The following TBC1D31 variants were observed in gnomAD, a reference collection of about 807,000 sequenced individuals.
TBC1D31 encodes the protein WD repeat domain 67.
Under a neutral mutation model 132.9 loss-of-function variants are expected in TBC1D31, and 99 were observed. That is an observed-to-expected ratio of 0.74 (90% confidence interval 0.63 to 0.88). TBC1D31 has a LOEUF of 0.88. TBC1D31 is among the 40% of genes least tolerant of loss of function. The pLI, the probability that TBC1D31 is intolerant of heterozygous loss-of-function variation, is 0.00. For missense variants in TBC1D31, 1,134 were observed against 1,256.6 expected (o/e 0.90, Z 1.48); for synonymous variants, 385 against 419.4 (o/e 0.92, Z 1.00).
At position 123,080,506 on chromosome 8, in the gene TBC1D31, C is replaced by G. The variant is rs1815014926; in HGVS notation, c.225-2196C>G. ...TAAACTTTTAGACAAGAGCAGAGAG[C>G]TTTTCTTTTCTTTTCTTTTATTCTT... On this transcript the variant is annotated intron_variant, in intron 2 of 21. Coordinates refer to ENST00000287380, the MANE Select transcript of TBC1D31 (RefSeq NM_145647.4). 1.9e-4 allele frequency among the ~76,000 whole-genome samples: 13 copies of G among 69,344 alleles called. No homozygotes were observed. In the South Asian group the frequency reaches 5.2e-3, roughly 28 times the overall value. The allele number at this position is 69,344 out of a possible 152,430, so 45.5% of individuals were successfully genotyped here. A position where few individuals can be genotyped will look rare whatever the true frequency, so the allele number is the denominator to read the frequency against.
intron 1 of TBC1D31, among the ~76,000 whole-genome samples, chr8:123,074,277 C>T (rs377326086): frequency 2.8e-4 from 43 of 152,198 alleles, no homozygotes; most frequent in East Asian, 1.2e-3. Flanking sequence ...ACCTTGGCCT[C>T]CCGAAGTACT....
At chr8:123,115,243 C>G (rs193206858) in intron 10 of TBC1D31, among the ~76,000 whole-genome samples, 41 of 152,294 alleles carry the variant, frequency 2.7e-4, no homozygotes, top group African/African-American at 9.6e-4. Flanking sequence ...GAGAGTCAGT[C>G]AAAAGATGGC....
chr8:123,145,710 T>A (rs902973251), intron 20 of TBC1D31, among the ~76,000 whole-genome samples: 13 of 137,742 alleles, frequency 9.4e-5, no homozygotes, highest in Non-Finnish European at 1.4e-4. Context: ...AAAAAAAAGA[T>A]TTCCAAAAAT....
At chr8:123,148,071 A>G (rs901465961) in intron 20 of TBC1D31, among the ~76,000 whole-genome samples, 4 of 151,938 alleles carry the variant, frequency 2.6e-5, no homozygotes, top group Admixed American at 6.6e-5. Flanking sequence ...AGGTTGCAGT[A>G]AGCCAAGATC....
At chr8:123,152,257 C>A, downstream of TBC1D31, 1 of 178,190 alleles carries the variant, frequency 5.6e-6, no homozygotes, top group Non-Finnish European at 1.2e-5. Flanking sequence ...AACAGGAAAC[C>A]ATCTCAACAG....
intron 2 of TBC1D31, among the ~76,000 whole-genome samples, chr8:123,080,777 C>T (rs766604433): frequency 2.0e-5 from 3 of 152,048 alleles, no homozygotes; most frequent in South Asian, 2.1e-4. Context: ...CCTCGTGATC[C>T]GCCCGCCTAG....
At chr8:123,104,667 G>T (rs1372292812) in intron 7 of TBC1D31, among the ~76,000 whole-genome samples, 1 of 152,172 alleles carries the variant, frequency 6.6e-6, no homozygotes, top group Non-Finnish European at 1.5e-5. Flanking sequence ...TAAGTAAATT[G>T]AAGTTGTTCA....
At chr8:123,145,884 T>C (rs1822151790) in intron 20 of TBC1D31, among the ~76,000 whole-genome samples, 1 of 151,042 alleles carries the variant, frequency 6.6e-6, no homozygotes, top group Non-Finnish European at 1.5e-5. Flanking sequence ...TTTTTTTTTT[T>C]TTTGAGACAG....
intron 17 of TBC1D31, among the ~76,000 whole-genome samples, chr8:123,139,940 G>C (rs1821463859): frequency 1.3e-5 from 2 of 152,168 alleles, no homozygotes; most frequent in African/African-American, 4.8e-5. Context: ...CCTTAGGAGT[G>C]GTCTTTCAGG....
intron 7 of TBC1D31, among the ~76,000 whole-genome samples, chr8:123,101,905 T>C (rs573531232): frequency 8.5e-5 from 13 of 152,318 alleles, no homozygotes; most frequent in African/African-American, 3.1e-4. Context: ...ATTTCTTAAC[T>C]AGTGCTACTT....
intron 2 of TBC1D31, among the ~76,000 whole-genome samples, chr8:123,081,576 A>C (rs1427024726): frequency 6.6e-6 from 1 of 152,264 alleles, no homozygotes; most frequent in Admixed American, 6.5e-5. Flanking sequence ...TTTTAGACAC[A>C]TATTGAGTTC....
rs758518137 is a variant in TBC1D31, at chr8:123,120,206, AAAGTAT to A, written c.1570+22_1570+27del. The A allele has an allele frequency of 1.2e-5, 19 of 1,574,206 alleles. No homozygotes were observed. The highest frequency in any genetic ancestry group is 1.7e-4 in the Middle Eastern group (1 of 5,896). Reference sequence around the variant, plus strand: ...TCTCATAAGTAAGTAAATACTTGTTAAAGTATAAGATCAAGAATGGATTCTTATACA... The same window carrying A: ...TCTCATAAGTAAGTAAATACTTGTTAAAGATCAAGAATGGATTCTTATACA... On this transcript the variant is annotated intron_variant, in intron 11 of 21. Coordinates refer to ENST00000287380, the MANE Select transcript of TBC1D31 (RefSeq NM_145647.4).
rs777915972 is a variant in TBC1D31, at chr8:123,077,248, A to G, written c.215A>G (p.His72Arg). Residue 72 changes from histidine to arginine, a missense_variant, in exon 2 of 22, where the codon CAT becomes CGT. Coordinates refer to ENST00000287380, the MANE Select transcript of TBC1D31 (RefSeq NM_145647.4). ...HQGNIYVFDLHGNRFNLVQRT... is the reference protein window; with the variant it reads ...HQGNIYVFDLRGNRFNLVQRT... ...GGAAATATTTATGTTTTTGACTTAC[A>G]TGGAAACAGGTAAGCAGATACCATT... 8 of 1,611,184 alleles carry G rather than the reference A, an allele frequency of 5.0e-6. 1 individual carries two copies. Among genetic ancestry groups the G allele is most frequent in the Non-Finnish European group, 5.1e-6 (6 of 1,179,190 alleles).
chr8:123,078,201 A>G (rs773310990), intron 2 of TBC1D31, among the ~76,000 whole-genome samples: 1 of 152,196 alleles, frequency 6.6e-6, no homozygotes, highest in Non-Finnish European at 1.5e-5. Flanking sequence ...CCTAGCAGAG[A>G]GGCAGAGGGT....
intron 4 of TBC1D31, among the ~76,000 whole-genome samples, chr8:123,090,066 C>T (rs1563681158): frequency 1.3e-5 from 2 of 152,134 alleles, no homozygotes; most frequent in African/African-American, 2.4e-5. Context: ...AACCTCTTTC[C>T]GCTGATTTTT....
At chr8:123,097,942 G>A (rs1370911939) in intron 6 of TBC1D31, 1 of 152,322 alleles carries the variant, frequency 6.6e-6, no homozygotes, top group African/African-American at 2.4e-5. Flanking sequence ...TTAGTTTACA[G>A]AGTGCTTCTT....
chr8:123,146,055 A>G (rs1226938639), intron 20 of TBC1D31, among the ~76,000 whole-genome samples: 1 of 151,850 alleles, frequency 6.6e-6, no homozygotes, highest in African/African-American at 2.4e-5. Flanking sequence ...ATTTTAGTAG[A>G]GATGGGTTTT....
chr8:123,117,121 C>A (rs146373725), intron 10 of TBC1D31, among the ~76,000 whole-genome samples: 1 of 151,964 alleles, frequency 6.6e-6, no homozygotes, highest in African/African-American at 2.4e-5. Context: ...TAGAGACCAG[C>A]CTGGCCAACA....
intron 7 of TBC1D31, 160 bp downstream of exon 7, chr8:123,101,167 C>T (rs1018872342): frequency 1.4e-5 from 8 of 565,452 alleles, no homozygotes; most frequent in Non-Finnish European, 2.5e-5. Flanking sequence ...CATCTCTGGC[C>T]TTGATTTCTC....
Sources: allele counts gnomAD v4.1 joint callset (sites outside exome capture counted in the v4.1 genomes callset), GRCh38; gene constraint gnomAD v4.1.1; transcripts MANE v1.5; gene names NCBI Gene and HGNC (gene_info 2026-07-23, HGNC 2026-07-21).